Variants in PLCE1 observed in about 807,000 individuals in gnomAD.
PLCE1 encodes phospholipase C epsilon 1, also known as 1-phosphatidylinositol 4,5-bisphosphate phosphodiesterase epsilon-1.
A neutral mutation model predicts 242.8 loss-of-function variants in PLCE1; 119 were observed. The ratio of observed to expected loss-of-function variants is 0.49; its 90% CI spans 0.42 to 0.57. PLCE1 has a LOEUF of 0.57. Ranked by LOEUF, PLCE1 falls within the 20% of genes least tolerant of loss-of-function variation. The probability of loss-of-function intolerance (pLI) is 0.00; values close to 1 mark genes in which losing one functional copy is unlikely to be tolerated. For synonymous variants in PLCE1, 945 were observed against 1,017.4 expected, an observed-to-expected ratio of 0.93 and a Z score of 1.35; for missense variants, 2,441 against 2,788.8, an observed-to-expected ratio of 0.88 and a Z score of 2.81.
intron 11 of PLCE1, among the ~76,000 whole-genome samples, chr10:94,256,660 G>A (rs574119055): frequency 4.6e-5 from 7 of 152,230 alleles, no homozygotes; most frequent in South Asian, 2.1e-4. Flanking sequence ...GGCATTTCCC[G>A]TTTATTTCAA....
At chr10:94,241,530 C>T (rs1052543910) in intron 7 of PLCE1, among the ~76,000 whole-genome samples, 32 of 152,216 alleles carry the variant, frequency 2.1e-4, no homozygotes, top group African/African-American at 7.5e-4. Context: ...GGTGGCTCCC[C>T]CCTGTAATCC....
At chr10:93,999,747 CTGCTCCCGCCTCTGCCTGTTTATT>C (rs2060898102) in intron 1 of PLCE1, among the ~76,000 whole-genome samples, 1 of 98,114 alleles carries the variant, frequency 1.0e-5, no homozygotes, top group Non-Finnish European at 1.9e-5. Context: ...CCTGTTGGCT[CTGCTCCCGCCTCTGCCTGTTTATT>C]GGATTTGCCT....
chr10:94,118,828 G>A (rs1428397354), intron 2 of PLCE1, among the ~76,000 whole-genome samples: 1 of 152,220 alleles, frequency 6.6e-6, no homozygotes, highest in African/African-American at 2.4e-5. Flanking sequence ...GACAGAGGTA[G>A]TCTATCTGGG....
At chr10:94,123,847 C>T (rs1176111346) in intron 2 of PLCE1, among the ~76,000 whole-genome samples, 1 of 152,158 alleles carries the variant, frequency 6.6e-6, no homozygotes, top group African/African-American at 2.4e-5. Context: ...CACCTATTAA[C>T]TCACAGGTGA....
chr10:94,292,155 G>A (rs1173306399), intron 22 of PLCE1, among the ~76,000 whole-genome samples: 1 of 152,166 alleles, frequency 6.6e-6, no homozygotes, highest in African/African-American at 2.4e-5. Flanking sequence ...GTCTAAGTTT[G>A]TGCATGTTTG....
chr10:94,023,435 C>A (rs2061407764), intron 1 of PLCE1, among the ~76,000 whole-genome samples: 1 of 152,158 alleles, frequency 6.6e-6, no homozygotes, highest in South Asian at 2.1e-4. Context: ...TGCACACACA[C>A]ATAACTCCAG....
chr10:94,065,911 T>A (rs1340726222), intron 2 of PLCE1, among the ~76,000 whole-genome samples: 1 of 152,128 alleles, frequency 6.6e-6, no homozygotes, highest in Non-Finnish European at 1.5e-5. Flanking sequence ...TAGATAACCA[T>A]TAAGGCACAA....
chr10:94,146,287 T>A (rs898365342), intron 3 of PLCE1, among the ~76,000 whole-genome samples: 1 of 152,120 alleles, frequency 6.6e-6, no homozygotes, highest in African/African-American at 2.4e-5. Context: ...AGACACTGGT[T>A]ACAGTAAAAG....
At chr10:94,196,010 A>G (rs575266763) in intron 4 of PLCE1, among the ~76,000 whole-genome samples, 116 of 152,250 alleles carry the variant, frequency 7.6e-4, no homozygotes, top group African/African-American at 2.6e-3. Context: ...TCCCAGCCAC[A>G]TTGTTTATAT....
intron 4 of PLCE1, among the ~76,000 whole-genome samples, chr10:94,189,022 A>T (rs2048576490): frequency 6.6e-6 from 1 of 150,610 alleles, no homozygotes; most frequent in Middle Eastern, 3.2e-3. Flanking sequence ...AAAAAAAAAA[A>T]ATTTGTGGTC....
At chr10:93,996,758 G>C (rs1564613942) in intron 1 of PLCE1, among the ~76,000 whole-genome samples, 1 of 152,194 alleles carries the variant, frequency 6.6e-6, no homozygotes, top group Non-Finnish European at 1.5e-5. Context: ...GTCCAACATG[G>C]TAGTCACTAG....
chr10:94,252,981 G>C (rs946683836), intron 9 of PLCE1, among the ~76,000 whole-genome samples: 3 of 152,194 alleles, frequency 2.0e-5, no homozygotes, highest in Non-Finnish European at 4.4e-5. Context: ...TGAGCACTCT[G>C]TGGGCAAGGA....
At chr10:94,023,847 C>G (rs1165820321) in intron 1 of PLCE1, among the ~76,000 whole-genome samples, 1 of 152,008 alleles carries the variant, frequency 6.6e-6, no homozygotes, top group Non-Finnish European at 1.5e-5. Context: ...ATTCCAGACT[C>G]AGAAACTTTT....
intron 28 of PLCE1, chr10:94,314,869 C>A (rs554010016): frequency 1.3e-5 from 2 of 152,510 alleles, no homozygotes; most frequent in East Asian, 3.9e-4. Flanking sequence ...TCAGGTGTCA[C>A]ATTTCATAGA....
intron 3 of PLCE1, among the ~76,000 whole-genome samples, chr10:94,146,416 C>T (rs2047113065): frequency 6.6e-6 from 1 of 152,134 alleles, no homozygotes; most frequent in Admixed American, 6.5e-5. Context: ...AATCTCCCGC[C>T]TCGTGCCAAG....
At chr10:94,291,662 C>T (rs574879043) in intron 22 of PLCE1, among the ~76,000 whole-genome samples, 9 of 152,104 alleles carry the variant, frequency 5.9e-5, no homozygotes, top group African/African-American at 2.2e-4. Context: ...AGCACATCGT[C>T]GGGAGCATGG....
At chr10:94,099,656 C>T (rs1469164218) in intron 2 of PLCE1, 1 of 152,128 alleles carries the variant, frequency 6.6e-6, no homozygotes, top group East Asian at 1.9e-4. Flanking sequence ...TATTTGTTTT[C>T]ATGGTTGTTA....
At chr10:94,270,812 A>T (rs2051701461) in intron 18 of PLCE1, among the ~76,000 whole-genome samples, 1 of 151,900 alleles carries the variant, frequency 6.6e-6, no homozygotes, top group African/African-American at 2.4e-5. Flanking sequence ...TGGGATTACC[A>T]GCATGCGCCC....
In PLCE1 at chr10:94,269,094, C is replaced by CTTTT. The variant is rs71031565; in HGVS notation, c.4389+80_4389+83dup. 94 of 313,204 alleles carry CTTTT rather than the reference C, an allele frequency of 3.0e-4. 1 individual carries two copies. Among genetic ancestry groups the CTTTT allele is most frequent in the African/African-American group, 3.6e-4 (9 of 25,250 alleles). 19.4% of individuals were successfully genotyped at this position (313,204 alleles called of 1,614,324 possible). A position where few individuals can be genotyped will look rare whatever the true frequency, so the allele number is the denominator to read the frequency against. The stretch of plus-strand genomic sequence containing the variant: ...ACAAAGAGACATTATCTTCATTTGT[C>CTTTT]TTTTTTTTTTTTTTTTTTTTTTTTT... On this transcript the variant is annotated intron_variant, in intron 17 of 32. Coordinates refer to ENST00000371380, the MANE Select transcript of PLCE1 (RefSeq NM_016341.4).
Sources: gnomAD v4.1 joint callset for allele counts (sites outside exome capture counted in the v4.1 genomes callset) on GRCh38, gnomAD v4.1.1 for gene constraint, MANE v1.5 for transcripts, NCBI Gene and HGNC (gene_info 2026-07-23, HGNC 2026-07-21) for gene names.